Variants in ZNF10 observed in about 807,000 individuals in gnomAD.
ZNF10 encodes the protein zinc finger protein 10.
A neutral mutation model predicts 12.2 loss-of-function variants in ZNF10; 8 were observed. The ratio of observed to expected loss-of-function variants is 0.66; its 90% CI spans 0.39 to 1.18. The LOEUF (loss-of-function observed/expected upper bound fraction) is 1.18. Among genes scored for constraint, ZNF10 ranks in the 50% most tolerant of loss-of-function variants. The pLI is 0.01. For missense variants in ZNF10, 603 were observed against 678.9 expected, an observed-to-expected ratio of 0.89 and a Z score of 1.24; for synonymous variants, 229 against 228.2, an observed-to-expected ratio of 1.00 and a Z score of -0.03.
intron 1 of ZNF10, among the ~76,000 whole-genome samples, chr12:133,138,691 G>A (rs970441148): frequency 2.6e-5 from 4 of 151,926 alleles, no homozygotes; most frequent in Non-Finnish European, 4.4e-5. Flanking sequence ...ATTTTTTTCA[G>A]GCTGAGTATT....
At chr12:133,148,388 T>C (rs1482589229) in intron 2 of ZNF10, among the ~76,000 whole-genome samples, 1 of 152,246 alleles carries the variant, frequency 6.6e-6, no homozygotes, top group Non-Finnish European at 1.5e-5. Flanking sequence ...CCCAGAGTGC[T>C]GGGATTACAG....
chr12:133,132,505 C>T (rs1460907011), intron 1 of ZNF10, among the ~76,000 whole-genome samples: 3 of 151,442 alleles, frequency 2.0e-5, no homozygotes, highest in South Asian at 2.1e-4. Context: ...GCAACAAGAG[C>T]GAAACTCCGT....
At chr12:133,142,175 C>T (rs897086295) in intron 1 of ZNF10, among the ~76,000 whole-genome samples, 1 of 152,178 alleles carries the variant, frequency 6.6e-6, no homozygotes, top group Non-Finnish European at 1.5e-5. Context: ...GTAATCCCAG[C>T]ACTTTGGGAG....
rs753975682 is a variant in ZNF10 at position 133,156,922 on chromosome 12, A to G, written c.1676A>G (p.Asn559Ser). The change falls in exon 5 of 5, where the codon AAC (asparagine) becomes AGC (serine). Residue 559 changes from asparagine to serine, a missense_variant. By Grantham distance (46) the Asn-to-Ser change is conservative. Around this residue, in one of 3 missense-constraint regions of ZNF10, gnomAD observed 204 missense variants for 262.8 expected, o/e 0.78. Transcript: ENST00000248211. The part of the protein sequence containing the change: ...QCGTALVNTS[N>S]LIGYQTNHIR... ...GGGACAGCGCTTGTTAATACCTCTA[A>G]CCTTATTGGATACCAGACAAATCAT... 2.7e-6 allele frequency: 4 copies of G among 1,462,814 alleles called. No homozygotes were observed. In the Admixed American group the frequency reaches 1.0e-4, roughly 37 times the overall value. 90.6% of individuals were successfully genotyped at this position (1,462,814 alleles called of 1,614,324 possible). A position where few individuals can be genotyped will look rare whatever the true frequency, so the allele number is the denominator to read the frequency against.
Position 133,155,525 on chromosome 12 carries a change from C to G in ZNF10, c.279C>G (p.Ile93Met), listed in dbSNP as rs1956033746. The G allele has an allele frequency of 2.5e-6, 4 of 1,590,470 alleles. No individual in the cohort carries two copies. The highest frequency in any genetic ancestry group is 1.4e-5 in the African/African-American group (1 of 73,496). ...CAGATTCAGAGACTGCATTTGAAAT[C>G]AAATCATCAGTTTCCAGCAGGAGCA... The part of the protein sequence containing the change: ...THPDSETAFE[I>M]KSSVSSRSIF... Residue 93 changes from isoleucine (I) to methionine (M), a missense_variant, in exon 5 of 5, where the codon ATC becomes ATG. Coordinates refer to ENST00000248211, the MANE Select transcript of ZNF10 (RefSeq NM_015394.5).
chr12:133,132,758 T>G (rs1380158443), intron 1 of ZNF10, among the ~76,000 whole-genome samples: 2 of 152,210 alleles, frequency 1.3e-5, no homozygotes, highest in Non-Finnish European at 2.9e-5. Flanking sequence ...TTTTTCCTCT[T>G]TCCACACAAT....
intron 2 of ZNF10, among the ~76,000 whole-genome samples, 196 bp from the exon 3 acceptor site, chr12:133,150,832 A>T (rs573222348): frequency 6.6e-6 from 1 of 152,344 alleles, no homozygotes; most frequent in South Asian, 2.1e-4. Context: ...ACTTGTTTTC[A>T]GACAGTAGGT....
chr12:133,153,070 C>T (rs1956017909), intron 4 of ZNF10, among the ~76,000 whole-genome samples: 1 of 151,540 alleles, frequency 6.6e-6, no homozygotes, highest in South Asian at 2.1e-4. Context: ...TTCTTTCTTT[C>T]TTTTCTATTT....
At chr12:133,131,875 T>C (rs759978164) in intron 1 of ZNF10, among the ~76,000 whole-genome samples, 4 of 152,172 alleles carry the variant, frequency 2.6e-5, no homozygotes, top group Non-Finnish European at 5.9e-5. Flanking sequence ...ATATAAGCAC[T>C]GTCTGGAAAT....
At position 133,140,222 on chromosome 12, in the gene ZNF10, A is replaced by AAG. The variant is rs1555299072; in HGVS notation, c.-59-4211_-59-4210insGA. Among the ~76,000 whole-genome samples, 1,177 of 123,262 alleles carry AAG rather than the reference A, an allele frequency of 9.5e-3. 61 individuals carry two copies. Among genetic ancestry groups the AAG allele is most frequent in the African/African-American group, 0.031 (1,010 of 32,832 alleles). The allele number at this position is 123,262 out of a possible 152,430, so 80.9% of individuals were successfully genotyped here. ...TGTCTCAAAAAAAAAAAAAAAAAAA[A>AAG]AAAAAAAAAGCCAGGTGCAGTGGCT... On this transcript the variant is annotated intron_variant, in intron 1 of 4. Coordinates refer to ENST00000248211, the MANE Select transcript of ZNF10 (RefSeq NM_015394.5).
chr12:133,133,736 T>C (rs1955894139), intron 1 of ZNF10, among the ~76,000 whole-genome samples: 1 of 152,194 alleles, frequency 6.6e-6, no homozygotes, highest in Admixed American at 6.5e-5. Flanking sequence ...AGTGTTTGAT[T>C]GGAGCTGTGC....
At chr12:133,138,361 G>T (rs1356105489) in intron 1 of ZNF10, among the ~76,000 whole-genome samples, 1 of 146,984 alleles carries the variant, frequency 6.8e-6, no homozygotes, top group Non-Finnish European at 1.5e-5. Flanking sequence ...AAATTTATTA[G>T]TGACCAGAAA....
rs539012350 is a variant in ZNF10, at chr12:133,137,885, G to A, written c.-59-6549G>A. ...CAGTATCCCTGCTCTGAGAATGACT[G>A]ATACTTTAGAGAAGTCAGTTTTGGC... On this transcript the variant is annotated intron_variant, in intron 1 of 4. Coordinates refer to ENST00000248211, the MANE Select transcript of ZNF10 (RefSeq NM_015394.5). 2.6e-5 allele frequency among the ~76,000 whole-genome samples: 4 copies of A among 152,256 alleles called. 1 individual carries two copies. The highest frequency in any genetic ancestry group is 1.3e-4 in the Admixed American group (2 of 15,298).
intron 1 of ZNF10, among the ~76,000 whole-genome samples, chr12:133,140,265 C>G (rs1439055429): frequency 7.2e-6 from 1 of 138,202 alleles, no homozygotes; most frequent in Non-Finnish European, 1.5e-5. Context: ...GTAGTTCTAT[C>G]TACTTGGGAG....
intron 1 of ZNF10, among the ~76,000 whole-genome samples, chr12:133,135,903 A>C (rs1955908409): frequency 6.6e-6 from 1 of 152,236 alleles, no homozygotes. Context: ...CAAGTATGAC[A>C]GACATACTCT....
chr12:133,131,420 A>T (rs774687892), intron 1 of ZNF10, among the ~76,000 whole-genome samples: 1 of 152,154 alleles, frequency 6.6e-6, no homozygotes, highest in East Asian at 1.9e-4. Flanking sequence ...CCCAAAGTGT[A>T]TGCAGAAGGT....
In ZNF10 at chr12:133,156,997, A is replaced by G. The variant is rs774111409; in HGVS notation, c.*29A>G. 1.4e-6 allele frequency: 2 copies of G among 1,407,382 alleles called. No homozygotes were observed. The highest frequency in any genetic ancestry group is 1.5e-5 in the African/African-American group (1 of 68,620). The allele number at this position is 1,407,382 out of a possible 1,614,324, so 87.2% of individuals were successfully genotyped here. Reference sequence around the variant, plus strand: ...ATATGGGAATTTTTCACAAAGAGCAATGACTTTATTTTGCATTGGAGAACT... The same window carrying G: ...ATATGGGAATTTTTCACAAAGAGCAGTGACTTTATTTTGCATTGGAGAACT... On this transcript the variant is annotated 3_prime_UTR_variant, in exon 5 of 5. Transcript: ENST00000248211.
chr12:133,141,929 A>G (rs192575628), intron 1 of ZNF10, among the ~76,000 whole-genome samples: 1 of 152,324 alleles, frequency 6.6e-6, no homozygotes, highest in African/African-American at 2.4e-5. Flanking sequence ...AAATCTCAAA[A>G]GCAGCCAGAA....
intron 4 of ZNF10, among the ~76,000 whole-genome samples, chr12:133,154,140 C>T (rs1485058849): frequency 6.6e-6 from 1 of 152,002 alleles, no homozygotes. Flanking sequence ...CAGTTTAACC[C>T]ATAATACCAG....
Sources: gnomAD v4.1 joint callset for allele counts (sites outside exome capture counted in the v4.1 genomes callset) on GRCh38, gnomAD v4.1.1 for gene constraint, gnomAD v4.1.1 regional missense constraint, MANE v1.5 for transcripts, NCBI Gene and HGNC (gene_info 2026-07-23, HGNC 2026-07-21) for gene names.